TRIOBP: variants seen among roughly 807,000 people sequenced by gnomAD.
The protein encoded by TRIOBP is TRIO and F-actin-binding protein.
A neutral mutation model predicts 238.8 loss-of-function variants in TRIOBP; 169 were observed. The ratio of observed to expected loss-of-function variants is 0.71; its 90% confidence interval spans 0.62 to 0.80. TRIOBP has a LOEUF of 0.80. TRIOBP is among the 30% of genes least tolerant of loss of function. The probability of loss-of-function intolerance (pLI) is 0.00; values close to 1 mark genes in which losing one functional copy is unlikely to be tolerated. For missense variants in TRIOBP, 2,838 were observed against 3,122.6 expected (o/e 0.91, Z 2.17); for synonymous variants, 1,150 against 1,274.4 (o/e 0.90, Z 2.08).
intron 8 of TRIOBP, 28 bp downstream of exon 8, chr22:37,733,440 C>T (rs755129828): frequency 1.3e-4 from 202 of 1,532,738 alleles, no homozygotes; most frequent in Non-Finnish European, 1.6e-4. Flanking sequence ...TCTGGGGCCC[C>T]GCACCCCAAG....
At chr22:37,766,296 GACAATTCCCTCCCCTCCTGCCACCGC>G (rs928959381) in intron 18 of TRIOBP, among the ~76,000 whole-genome samples, 123 of 152,340 alleles carry the variant, frequency 8.1e-4, no homozygotes, top group African/African-American at 2.9e-3. Flanking sequence ...CTTCATCCTG[GACAATTCCCTCCCCTCCTGCCACCGC>G]ACACCTGCTG....
chr22:37,736,036 A>G (rs537346565), intron 9 of TRIOBP, among the ~76,000 whole-genome samples: 1 of 152,362 alleles, frequency 6.6e-6, no homozygotes, highest in African/African-American at 2.4e-5. Context: ...AAGAGGGTGC[A>G]TCAATGCTCA....
At chr22:37,715,738 A>G in intron 5 of TRIOBP, 25 bp from the exon 6 acceptor site, 6 of 1,612,454 alleles carry the variant, frequency 3.7e-6, no homozygotes, top group Non-Finnish European at 5.1e-6. Flanking sequence ...CCGCAAACAT[A>G]CTTTCTCCTC....
rs1922630923 is a variant in TRIOBP, at chr22:37,701,307, C to A, written c.-59C>A. 2.9e-6 allele frequency: 4 copies of A among 1,393,126 alleles called. No homozygotes were observed. The South Asian group carries it at 3.6e-5, about 13-fold the overall frequency. The allele number at this position is 1,393,126 out of a possible 1,614,324, so 86.3% of individuals were successfully genotyped here. A position where few individuals can be genotyped will look rare whatever the true frequency, so the allele number is the denominator to read the frequency against. On this transcript the variant is annotated splice_region_variant and 5_prime_UTR_variant, in exon 3 of 24. Coordinates refer to ENST00000644935, the MANE Select transcript of TRIOBP (RefSeq NM_001039141.3). ...TTGCCTCCCCCTCATTTTTGCCAGG[C>A]CTCACATAGACGGTCAGCCATTGGA...
chr22:37,757,515 CT>C (rs1392372388), intron 15 of TRIOBP, 97 bp from the exon 16 acceptor site: 1 of 1,504,514 alleles, frequency 6.6e-7, no homozygotes, highest in Non-Finnish European at 8.9e-7. Flanking sequence ...TCTCCAGCCC[CT>C]GGCACAGGGC....
chr22:37,738,994 C>A (rs772233644), intron 10 of TRIOBP, among the ~76,000 whole-genome samples: 1 of 151,990 alleles, frequency 6.6e-6, no homozygotes, highest in Non-Finnish European at 1.5e-5. Context: ...TCTTTCCCTG[C>A]GCAAATGATG....
intron 12 of TRIOBP, among the ~76,000 whole-genome samples, chr22:37,752,781 A>C (rs1218943871): frequency 6.6e-6 from 1 of 152,044 alleles, no homozygotes; most frequent in Non-Finnish European, 1.5e-5. Flanking sequence ...TACAGGCCCC[A>C]CCCAGAGCTG....
Position 37,772,594 on chromosome 22 carries a change from C to T in TRIOBP, c.6937-7C>T, listed in dbSNP as rs878987472. On this transcript the variant is annotated splice_region_variant and splice_polypyrimidine_tract_variant and intron_variant, in intron 22 of 23. Coordinates refer to ENST00000644935, the MANE Select transcript of TRIOBP (RefSeq NM_001039141.3). Reference sequence around the variant, plus strand: ...TCATGCCCTCATACCTGCCTCCTGCCCCCCAGGACAAGCGCTTCACCTCGG... The same window carrying T: ...TCATGCCCTCATACCTGCCTCCTGCTCCCCAGGACAAGCGCTTCACCTCGG... 6.2e-7 allele frequency: 1 copy of T among 1,614,006 alleles called. No homozygotes were observed. The highest frequency in any genetic ancestry group is 1.1e-5 in the South Asian group (1 of 91,080).
At position 37,727,098 on chromosome 22, in the gene TRIOBP, G is replaced by A. The variant is rs142242232; in HGVS notation, c.3947+595G>A. The stretch of plus-strand genomic sequence containing the variant: ...ATTTTTTTGTATTTTTACTAGAGAC[G>A]GGGTTTCGCCATATTGGCCAGGCTG... On this transcript the variant is annotated intron_variant, in intron 7 of 23. Coordinates refer to ENST00000644935, the MANE Select transcript of TRIOBP (RefSeq NM_001039141.3). 8.0e-3 allele frequency among the ~76,000 whole-genome samples: 1,219 copies of A among 151,462 alleles called. 16 individuals carry two copies. The highest frequency in any genetic ancestry group is 0.028 in the African/African-American group (1,150 of 41,410).
At chr22:37,723,150 T>C in intron 6 of TRIOBP, 35 bp from the exon 7 acceptor site, 1 of 1,610,340 alleles carries the variant, frequency 6.2e-7, no homozygotes, top group East Asian at 2.2e-5. Context: ...CCTGGACCTC[T>C]CCCCTTACCT....
chr22:37,763,418 G>A (rs1194263792), intron 17 of TRIOBP, among the ~76,000 whole-genome samples: 1 of 152,110 alleles, frequency 6.6e-6, no homozygotes, highest in East Asian at 1.9e-4. Context: ...GAAGCCAGGG[G>A]ACAGACACCC....
At chr22:37,749,511 A>T (rs1925464980) in intron 11 of TRIOBP, among the ~76,000 whole-genome samples, 1 of 152,126 alleles carries the variant, frequency 6.6e-6, no homozygotes, top group African/African-American at 2.4e-5. Context: ...GTACTCCCGA[A>T]AGGCGGAAGG....
chr22:37,738,036 A>G (rs1005640890), intron 9 of TRIOBP, among the ~76,000 whole-genome samples: 1 of 152,226 alleles, frequency 6.6e-6, no homozygotes, highest in Non-Finnish European at 1.5e-5. Flanking sequence ...AGGGCCTGAC[A>G]TAAAGGAGGG....
Position 37,758,037 on chromosome 22 carries a change from C to G in TRIOBP, c.6112C>G (p.Leu2038Val). The G allele has an allele frequency of 1.2e-6, 2 of 1,611,824 alleles. No homozygotes were observed. The highest frequency in any genetic ancestry group is 1.7e-6 in the Non-Finnish European group (2 of 1,179,620). ...GTGGCAGGAGCTGGAGAAGCTGCCCCTGCGGGAGAATAAGCGGGTGCCCCT... is the reference window on the plus strand; with the variant it reads ...GTGGCAGGAGCTGGAGAAGCTGCCCGTGCGGGAGAATAAGCGGGTGCCCCT... ...KKWQELEKLP[L>V]RENKRVPLTA... is the part of the protein sequence containing the mutation. Residue 2038 changes from leucine (L) to valine (V), a missense_variant, in exon 16 of 24, where the codon CTG becomes GTG. Transcript: ENST00000644935.
In TRIOBP at chr22:37,699,154, A is replaced by C. The variant is rs529991344; in HGVS notation, c.-61+1458A>C. On this transcript the variant is annotated intron_variant, in intron 2 of 23. Transcript: ENST00000644935. ...GACAGAGAGAGACTTCGTCTCAAAA[A>C]AACAAAACAAAACAAAACGAAAACA... Among the ~76,000 whole-genome samples, 5 of 152,282 alleles carry C rather than the reference A, an allele frequency of 3.3e-5. No individual in the cohort carries two copies. The South Asian group carries it at 1.0e-3, about 32-fold the overall frequency.
At chr22:37,742,578 C>G (rs1692551044) in intron 11 of TRIOBP, among the ~76,000 whole-genome samples, 1 of 152,136 alleles carries the variant, frequency 6.6e-6, no homozygotes, top group Non-Finnish European at 1.5e-5. Context: ...TTTCCTTTCG[C>G]TGCTCTTTGT....
At chr22:37,741,174 G>A in intron 11 of TRIOBP, 142 bp downstream of exon 11, 1 of 1,189,540 alleles carries the variant, frequency 8.4e-7, no homozygotes, top group Non-Finnish European at 1.2e-6. Flanking sequence ...GGAGAGGTGG[G>A]AGCAGAGCTC....
chr22:37,738,453 A>G (rs1474907534), intron 9 of TRIOBP, among the ~76,000 whole-genome samples, 189 bp from the exon 10 acceptor site: 1 of 152,098 alleles, frequency 6.6e-6, no homozygotes, highest in African/African-American at 2.4e-5. Flanking sequence ...TAGACAATGG[A>G]TGATGGGTAC....
At chr22:37,727,690 G>A (rs547787613) in intron 7 of TRIOBP, among the ~76,000 whole-genome samples, 1 of 152,148 alleles carries the variant, frequency 6.6e-6, no homozygotes, top group Non-Finnish European at 1.5e-5. Context: ...AAATAAAAAT[G>A]TATGGCCAGA....
Sources: gnomAD v4.1 joint callset for allele counts (sites outside exome capture counted in the v4.1 genomes callset) on GRCh38, gnomAD v4.1.1 for gene constraint, MANE v1.5 for transcripts, NCBI Gene and HGNC (gene_info 2026-07-23, HGNC 2026-07-21) for gene names.